The following DACT3 variants were observed in gnomAD, a reference collection of about 807,000 sequenced individuals.
DACT3 encodes the protein dapper homolog 3.
DACT3 carries 5 observed loss-of-function variants against 19.6 expected under a neutral mutation model. The observed-to-expected ratio is 0.26, with a 90% CI of 0.13 to 0.54. The LOEUF (loss-of-function observed/expected upper bound fraction) is 0.54. Among genes scored for constraint, DACT3 ranks in the 20% least tolerant of loss-of-function variants. The probability of loss-of-function intolerance (pLI) is 0.95; values close to 1 mark genes in which losing one functional copy is unlikely to be tolerated. For missense variants in DACT3, 908 were observed against 927.4 expected (o/e 0.98, Z 0.27); for synonymous variants, 454 against 428.1 (o/e 1.06, Z -0.75).
At chr19:46,653,150 C>A in intron 1 of DACT3, 75 bp from the exon 2 acceptor site, 2 of 1,527,654 alleles carry the variant, frequency 1.3e-6, no homozygotes, top group Non-Finnish European at 8.8e-7. Flanking sequence ...TCCACGAGCT[C>A]ATGGGCAGAG....
chr19:46,657,285 C>T (rs2053039641), intron 1 of DACT3, among the ~76,000 whole-genome samples: 2 of 149,288 alleles, frequency 1.3e-5, no homozygotes, highest in Non-Finnish European at 3.0e-5. Context: ...GTTTCCTTAT[C>T]TATAACTGGG....
chr19:46,655,835 G>A (rs1455756172), intron 1 of DACT3, among the ~76,000 whole-genome samples: 1 of 151,630 alleles, frequency 6.6e-6, no homozygotes, highest in Non-Finnish European at 1.5e-5. Context: ...CTCTGGAAGT[G>A]CCAAGGCGGG....
rs375337093 is a variant in DACT3, at chr19:46,660,534, G to A, written c.249+282C>T. 4.5e-6 allele frequency: 2 copies of A among 448,520 alleles called. No homozygotes were observed. The highest frequency in any genetic ancestry group is 9.2e-5 in the Admixed American group (2 of 21,790). The allele number at this position is 448,520 out of a possible 1,614,324, so 27.8% of individuals were successfully genotyped here. The stretch of plus-strand genomic sequence containing the variant: ...CCGGTCTCGGGTTTGACACATACTT[G>A]GCGCCCACAAGGATTTTCTTTGGGG... On this transcript the variant is annotated intron_variant, in intron 1 of 3. Transcript: ENST00000391916. The surrounding 1 kb of genome is among the most constrained non-coding windows in gnomAD (Gnocchi z 4.9).
intron 1 of DACT3, among the ~76,000 whole-genome samples, chr19:46,656,617 T>C (rs760963705): frequency 1.3e-5 from 2 of 152,246 alleles, no homozygotes; most frequent in African/African-American, 4.8e-5. Flanking sequence ...CTTAAAGTGC[T>C]GGGATTGCAG....
intron 1 of DACT3, chr19:46,653,988 A>G (rs567942270): frequency 1.0e-6 from 1 of 985,396 alleles, no homozygotes; most frequent in East Asian, 1.1e-4. Flanking sequence ...AAATAGGCTG[A>G]CCACGACTCA....
At chr19:46,659,143 GAGAA>G in intron 1 of DACT3, 1 of 985,176 alleles carries the variant, frequency 1.0e-6, no homozygotes, top group African/African-American at 1.7e-5. Flanking sequence ...CCCAGCACTA[GAGAA>G]GTTTATATTT....
intron 3 of DACT3, chr19:46,650,127 A>ATTTTTTTTTTTT (rs58142251): frequency 2.1e-5 from 2 of 96,098 alleles, no homozygotes; most frequent in African/African-American, 4.4e-5. Context: ...CTTACCCCCT[A>ATTTTTTTTTTTT]TTTTTTTTTT....
At chr19:46,654,817 C>A in intron 1 of DACT3, 1 of 985,306 alleles carries the variant, frequency 1.0e-6, no homozygotes, top group African/African-American at 1.7e-5. Flanking sequence ...CCCCGGCAGC[C>A]ACAACCCCCC....
chr19:46,659,734 C>T (rs2053060437), intron 1 of DACT3, among the ~76,000 whole-genome samples: 1 of 151,728 alleles, frequency 6.6e-6, no homozygotes, highest in African/African-American at 2.4e-5. Flanking sequence ...TCAGGTTTCC[C>T]GAAACGGGAA....
Position 46,648,578 on chromosome 19 carries a change from G to C in DACT3, c.1794C>G (p.Pro598=), listed in dbSNP as rs781409294. ...CTTTGATTTTCACGAAGACTTTGGC[G>C]GGGCCTGCGGGCGCCCCTGCACCTG... is the stretch of plus-strand genomic sequence containing the variant. ...GGAGAGAPAG[P]AKVFVKIKAS... Residue 598 remains proline, a synonymous_variant, in exon 4 of 4, where the codon CCC becomes CCG. Coordinates refer to ENST00000391916, the MANE Select transcript of DACT3 (RefSeq NM_145056.3). This position sits in a 1 kb window ranked among gnomAD's most constrained non-coding sequence, Gnocchi z 5.1. 3 of 1,613,688 alleles carry C rather than the reference G, an allele frequency of 1.9e-6. No individual in the cohort carries two copies. Among genetic ancestry groups the C allele is most frequent in the Non-Finnish European group, 1.7e-6 (2 of 1,179,786 alleles).
Position 46,648,892 on chromosome 19 carries a change from C to A in DACT3, c.1480G>T (p.Ala494Ser), listed in dbSNP as rs2052947320. Residue 494 changes from alanine to serine, a missense_variant, in exon 4 of 4, where the codon GCC becomes TCC. Ala to Ser is a moderately conservative substitution (Grantham distance 99, BLOSUM62 1). Around this residue, in one of 2 missense-constraint regions of DACT3, gnomAD observed 656 missense variants for 601.8 expected, o/e 1.09. Transcript: ENST00000391916. The surrounding 1 kb of genome is among the most constrained non-coding windows in gnomAD (Gnocchi z 5.1). The part of the protein sequence containing the change: ...AADGRRVRPR[A>S]PAARVPGPGP... ...GGGCCGGGAACACGCGCCGCAGGGG[C>A]TCGGGGCCGCACGCGGCGCCCATCG... is the stretch of plus-strand genomic sequence containing the variant. The A allele has an allele frequency of 1.4e-6, 2 of 1,386,460 alleles. No homozygotes were observed. The highest frequency in any genetic ancestry group is 3.0e-5 in the East Asian group (1 of 33,372). 85.9% of individuals were successfully genotyped at this position (1,386,460 alleles called of 1,614,324 possible).
chr19:46,659,903 A>G (rs2053062172), intron 1 of DACT3, among the ~76,000 whole-genome samples: 1 of 152,152 alleles, frequency 6.6e-6, no homozygotes, highest in Non-Finnish European at 1.5e-5. Context: ...ACAGATGCAG[A>G]GGGACACAGA....
chr19:46,659,193 C>T (rs1325641248), intron 1 of DACT3: 1 of 985,046 alleles, frequency 1.0e-6, no homozygotes, highest in African/African-American at 1.8e-5. Flanking sequence ...CCCCGCCTGC[C>T]ACCGCCTCCT....
At chr19:46,653,878 TCA>T (rs1391247560) in intron 1 of DACT3, among the ~76,000 whole-genome samples, 2 of 152,144 alleles carry the variant, frequency 1.3e-5, no homozygotes, top group African/African-American at 4.8e-5. Flanking sequence ...ACCTTCTTTC[TCA>T]GATACGCCCA....
Position 46,660,495 on chromosome 19 carries a change from C to G in DACT3, c.249+321G>C. The stretch of plus-strand genomic sequence containing the variant: ...CGTTTCCCAAGCCGCAAGAAGACAA[C>G]GCCTGCAAAGTACCCGGTCTCGGGT... On this transcript the variant is annotated intron_variant, in intron 1 of 3. Transcript: ENST00000391916. The surrounding 1 kb of genome is among the most constrained non-coding windows in gnomAD (Gnocchi z 4.9). 1 of 323,818 alleles carries G rather than the reference C, an allele frequency of 3.1e-6. No individual in the cohort carries two copies. The highest frequency in any genetic ancestry group is 6.2e-5 in the South Asian group (1 of 16,046). The allele number at this position is 323,818 out of a possible 1,614,324, so 20.1% of individuals were successfully genotyped here.
rs45555133 is a variant in DACT3, at chr19:46,648,460, G to A, written c.*22C>T. On this transcript the variant is annotated 3_prime_UTR_variant, in exon 4 of 4. Transcript: ENST00000391916. This position sits in a 1 kb window ranked among gnomAD's most constrained non-coding sequence, Gnocchi z 5.1. ...TGGAGGTGCAGAGGCCATGAAGGGG[G>A]AGCCCAAGCAAATCCCCAAACTCAC... 31,970 of 1,613,740 alleles carry A rather than the reference G, an allele frequency of 0.02. 406 individuals carry two copies. The highest frequency in any genetic ancestry group is 0.024 in the Non-Finnish European group (28,657 of 1,179,812).
Position 46,648,745 on chromosome 19 carries a change from C to T in DACT3, c.1627G>A (p.Gly543Arg). The change falls in exon 4 of 4, where the codon GGG becomes AGG. Residue 543 changes from glycine to arginine, a missense_variant. Physicochemically the swap from Gly to Arg is moderately radical, Grantham distance 125 (BLOSUM62 -2). This residue lies in a region of DACT3 where 656 missense variants were observed against 601.8 expected (regional missense o/e 1.09). Coordinates refer to ENST00000391916, the MANE Select transcript of DACT3 (RefSeq NM_145056.3). This position sits in a 1 kb window ranked among gnomAD's most constrained non-coding sequence, Gnocchi z 5.1. ...CTCGATTCGCTCTCCCCGTAACCCC[C>T]GCCGACGCCTCCCGCAGGCCCCCGG... ...GRRGPAGGVG[G>R]GYGESESSAS... is the part of the protein sequence containing the mutation. 6.3e-7 allele frequency: 1 copy of T among 1,585,772 alleles called. No individual in the cohort carries two copies. Among genetic ancestry groups the T allele is most frequent in the Non-Finnish European group, 8.5e-7 (1 of 1,171,436 alleles).
At position 46,648,883 on chromosome 19, in the gene DACT3, C is replaced by A. The variant is rs1050705171; in HGVS notation, c.1489G>T (p.Ala497Ser). The change falls in exon 4 of 4, where the codon GCG becomes TCG. Residue 497 changes from alanine (A) to serine (S), a missense_variant. Around this residue, in one of 2 missense-constraint regions of DACT3, gnomAD observed 656 missense variants for 601.8 expected, o/e 1.09. Transcript: ENST00000391916. This position sits in a 1 kb window ranked among gnomAD's most constrained non-coding sequence, Gnocchi z 5.1. ...GACGGGCCGGGGCCGGGAACACGCGCCGCAGGGGCTCGGGGCCGCACGCGG... is the reference window on the plus strand; with the variant it reads ...GACGGGCCGGGGCCGGGAACACGCGACGCAGGGGCTCGGGGCCGCACGCGG... ...GRRVRPRAPA[A>S]RVPGPGPSPS... The A allele has an allele frequency of 1.4e-5, 19 of 1,402,388 alleles. No homozygotes were observed. In the African/African-American group the frequency reaches 2.1e-4, roughly 16 times the overall value. 86.9% of individuals were successfully genotyped at this position (1,402,388 alleles called of 1,614,324 possible).
In DACT3 at chr19:46,649,749, C is replaced by T; in HGVS notation, c.623G>A (p.Arg208Gln). The change falls in exon 4 of 4, where the codon CGG becomes CAG. Residue 208 changes from arginine (R) to glutamine (Q), a missense_variant. Arg to Gln is a conservative substitution (Grantham distance 43). Transcript: ENST00000391916. ...AGPEACSSAERRARAGPFLTP... is the reference protein window; with the variant it reads ...AGPEACSSAEQRARAGPFLTP... Reference sequence around the variant, plus strand: ...CAGAAAGGGCCCGGCGCGGGCCCGCCGCTCCGCCGAGGAGCAGGCCTCCGG... The same window carrying T: ...CAGAAAGGGCCCGGCGCGGGCCCGCTGCTCCGCCGAGGAGCAGGCCTCCGG... 7.8e-7 allele frequency: 1 copy of T among 1,277,754 alleles called. No individual in the cohort carries two copies. The highest frequency in any genetic ancestry group is 9.9e-7 in the Non-Finnish European group (1 of 1,013,580). 79.2% of individuals were successfully genotyped at this position (1,277,754 alleles called of 1,614,324 possible).
Sources: gnomAD v4.1 joint callset for allele counts (sites outside exome capture counted in the v4.1 genomes callset) on GRCh38, gnomAD v4.1.1 for gene constraint, gnomAD v4.1.1 regional missense constraint, Gnocchi (gnomAD v3.1) non-coding constraint, MANE v1.5 for transcripts, NCBI Gene and HGNC (gene_info 2026-07-23, HGNC 2026-07-21) for gene names.